The following TSHZ2 variants were observed in gnomAD, a reference collection of about 807,000 sequenced individuals.
TSHZ2 encodes teashirt zinc finger homeobox 2.
In TSHZ2, 21 loss-of-function variants were observed where a neutral mutation model predicts 74.4. The observed-to-expected ratio is 0.28, with a 90% confidence interval of 0.20 to 0.41. The LOEUF is 0.41. Ranked by LOEUF, TSHZ2 falls within the 10% of genes least tolerant of loss-of-function variation. The pLI is 1.00. For synonymous variants in TSHZ2, 540 were observed against 515.3 expected (o/e 1.05, Z -0.65); for missense variants, 1,244 against 1,293.5 (o/e 0.96, Z 0.59).
chr20:53,254,619 C>T lies in TSHZ2; in HGVS notation c.1161C>T (p.Ser387=), dbSNP rs781479622. The T allele has an allele frequency of 1.3e-5, 21 of 1,613,272 alleles. No homozygotes were observed. The Middle Eastern group carries it at 8.3e-4, about 63-fold the overall frequency. Residue 387 remains serine (S), a synonymous_variant, in exon 2 of 3, where the codon AGC becomes AGT. Transcript: ENST00000371497. The part of the protein sequence containing the change: ...SQILKCMECG[S]SHDTLQQLTT... ...TCTTAAAGTGCATGGAGTGTGGGAG[C>T]TCCCATGACACCTTGCAGCAGCTCA...
In TSHZ2 at chr20:53,360,428, C is replaced by T. The variant is rs375177298; in HGVS notation, c.*8+103857C>T. Among the ~76,000 whole-genome samples, 46 of 152,308 alleles carry T rather than the reference C, an allele frequency of 3.0e-4. 1 individual carries two copies. Among genetic ancestry groups the T allele is most frequent in the African/African-American group, 1.1e-3 (44 of 41,572 alleles). ...TGTTAACCGAAGTCAATAAATATTT[C>T]GAGCTTCTACTCCATATGAAGCACA... On this transcript the variant is annotated intron_variant, in intron 2 of 2. Transcript: ENST00000371497.
chr20:53,435,664 T>C (rs562021329), intron 2 of TSHZ2, among the ~76,000 whole-genome samples: 3 of 152,198 alleles, frequency 2.0e-5, no homozygotes, highest in South Asian at 4.1e-4. Context: ...CAGGCGCGTG[T>C]CACCACGCCT....
At chr20:53,428,119 A>G (rs1983720042) in intron 2 of TSHZ2, among the ~76,000 whole-genome samples, 1 of 152,188 alleles carries the variant, frequency 6.6e-6, no homozygotes, top group Non-Finnish European at 1.5e-5. Flanking sequence ...CAGGAATGAG[A>G]AGTCTCTGTG....
intron 1 of TSHZ2, among the ~76,000 whole-genome samples, chr20:53,019,075 TTC>T (rs1983141334): frequency 6.6e-6 from 1 of 152,186 alleles, no homozygotes; most frequent in African/African-American, 2.4e-5. Flanking sequence ...AAAGGACCAA[TTC>T]TCTATATTTG....
intron 2 of TSHZ2, among the ~76,000 whole-genome samples, chr20:53,385,966 G>A (rs1330069306): frequency 6.6e-6 from 1 of 152,192 alleles, no homozygotes; most frequent in Admixed American, 6.5e-5. Flanking sequence ...CCGGACGAGG[G>A]TGTTAGACCC....
At chr20:53,155,850 C>G (rs1208569934) in intron 1 of TSHZ2, among the ~76,000 whole-genome samples, 3 of 152,144 alleles carry the variant, frequency 2.0e-5, no homozygotes, top group African/African-American at 7.2e-5. Flanking sequence ...AATGAGAAAA[C>G]ATTCCATCAC....
intron 2 of TSHZ2, among the ~76,000 whole-genome samples, chr20:53,289,729 G>A (rs1277625101): frequency 6.6e-6 from 1 of 152,160 alleles, no homozygotes; most frequent in Non-Finnish European, 1.5e-5. Flanking sequence ...ATCAAAAAAG[G>A]AAGACATGCA....
intron 2 of TSHZ2, among the ~76,000 whole-genome samples, chr20:53,431,878 C>A (rs1983860541): frequency 6.6e-6 from 1 of 152,068 alleles, no homozygotes; most frequent in Non-Finnish European, 1.5e-5. Context: ...CAATTATTAC[C>A]ATTAGCTGTT....
intron 2 of TSHZ2, among the ~76,000 whole-genome samples, chr20:53,437,909 G>T (rs1300844053): frequency 6.6e-6 from 1 of 152,130 alleles, no homozygotes; most frequent in Non-Finnish European, 1.5e-5. Flanking sequence ...GTGAGTAAAA[G>T]CTTCCTGAGG....
intron 1 of TSHZ2, among the ~76,000 whole-genome samples, chr20:53,245,050 G>T (rs562665294): frequency 1.1e-4 from 16 of 152,314 alleles, no homozygotes; most frequent in Admixed American, 1.0e-3. Flanking sequence ...TGTGGGTTCA[G>T]GTTGAAGATC....
intron 2 of TSHZ2, among the ~76,000 whole-genome samples, chr20:53,347,321 G>C (rs1980476215): frequency 3.3e-5 from 5 of 152,128 alleles, no homozygotes; most frequent in Admixed American, 3.3e-4. Flanking sequence ...GATTTTGCCA[G>C]ATGTGTCCTG....
At chr20:53,261,794 GA>G (rs749705679) in intron 2 of TSHZ2, among the ~76,000 whole-genome samples, 2 of 152,146 alleles carry the variant, frequency 1.3e-5, no homozygotes, top group Non-Finnish European at 2.9e-5. Flanking sequence ...GAAAATCCAT[GA>G]GCGACAGGGA....
chr20:53,205,222 A>G (rs1455469569), intron 1 of TSHZ2, among the ~76,000 whole-genome samples: 3 of 152,226 alleles, frequency 2.0e-5, no homozygotes, highest in Admixed American at 6.5e-5. Flanking sequence ...TAAGCAAGAA[A>G]AACACAGAGA....
chr20:53,374,658 T>TGTTTG (rs1410696176), intron 2 of TSHZ2, among the ~76,000 whole-genome samples: 1 of 152,196 alleles, frequency 6.6e-6, no homozygotes, highest in African/African-American at 2.4e-5. Context: ...GTTTTTGTTT[T>TGTTTG]GTTTTGTTTT....
At chr20:53,223,628 C>T (rs975825811) in intron 1 of TSHZ2, among the ~76,000 whole-genome samples, 17 of 152,032 alleles carry the variant, frequency 1.1e-4, no homozygotes, top group African/African-American at 3.6e-4. Context: ...ACTCCTGAGC[C>T]GAAGTGATCC....
At chr20:53,377,401 G>T (rs751724181) in intron 2 of TSHZ2, among the ~76,000 whole-genome samples, 1 of 152,168 alleles carries the variant, frequency 6.6e-6, no homozygotes, top group Non-Finnish European at 1.5e-5. Context: ...CGGTAGCTTG[G>T]AAGCAAGACT....
chr20:52,987,419 A>G (rs1981810511), intron 1 of TSHZ2, among the ~76,000 whole-genome samples: 1 of 151,970 alleles, frequency 6.6e-6, no homozygotes, highest in South Asian at 2.1e-4. Flanking sequence ...AGTACATAAA[A>G]TTTATATAAG....
chr20:53,070,643 T>A (rs761164445), intron 1 of TSHZ2, among the ~76,000 whole-genome samples: 2 of 152,156 alleles, frequency 1.3e-5, no homozygotes, highest in Non-Finnish European at 2.9e-5. Flanking sequence ...TACAGTGATG[T>A]GTGTGTGTAT....
intron 2 of TSHZ2, among the ~76,000 whole-genome samples, chr20:53,379,642 A>G (rs1055298527): frequency 6.6e-6 from 1 of 152,198 alleles, no homozygotes; most frequent in Admixed American, 6.5e-5. Flanking sequence ...CAATGGTGCC[A>G]TAAATCAGGA....
Sources: allele counts gnomAD v4.1 joint callset (sites outside exome capture counted in the v4.1 genomes callset), GRCh38; gene constraint gnomAD v4.1.1; transcripts MANE v1.5; gene names NCBI Gene and HGNC (gene_info 2026-07-23, HGNC 2026-07-21).